NTF3: variants seen among roughly 807,000 people sequenced by gnomAD.
The protein encoded by NTF3 is neurotrophin 3.
NTF3 carries 8 observed loss-of-function variants against 26.3 expected under a neutral mutation model. The ratio of observed to expected loss-of-function variants is 0.30; its 90% CI spans 0.18 to 0.55. NTF3 has a LOEUF of 0.55. NTF3 is among the 20% of genes least tolerant of loss of function. The pLI, the probability that NTF3 is intolerant of heterozygous loss-of-function variation, is 0.93. For missense variants in NTF3, 276 were observed against 352.9 expected (o/e 0.78, Z 1.75); for synonymous variants, 154 against 145.5 (o/e 1.06, Z -0.42).
At chr12:5,450,430 T>C (rs1300291909) in intron 1 of NTF3, among the ~76,000 whole-genome samples, 4 of 152,230 alleles carry the variant, frequency 2.6e-5, no homozygotes, top group Non-Finnish European at 2.9e-5. Flanking sequence ...AAGAGAATTT[T>C]GCTCCTTGTT....
intron 1 of NTF3, among the ~76,000 whole-genome samples, chr12:5,484,224 T>C (rs1044123460): frequency 2.6e-5 from 4 of 152,190 alleles, no homozygotes; most frequent in Non-Finnish European, 5.9e-5. Flanking sequence ...GGCAAGTCAC[T>C]TCCCCCCATA....
At position 5,456,953 on chromosome 12, in the gene NTF3, G is replaced by A. The variant is rs535181122; in HGVS notation, c.18+24611G>A. 2.0e-4 allele frequency among the ~76,000 whole-genome samples: 30 copies of A among 152,228 alleles called. No individual in the cohort carries two copies. The highest frequency in any genetic ancestry group is 5.8e-4 in the African/African-American group (24 of 41,534). Reference sequence around the variant, plus strand: ...GAGGGAGGCAGGGGGCCCGCAGAACGGCCTCCCATCTCCACTGCCCGTCCC... The same window carrying A: ...GAGGGAGGCAGGGGGCCCGCAGAACAGCCTCCCATCTCCACTGCCCGTCCC... On this transcript the variant is annotated intron_variant, in intron 1 of 1. Coordinates refer to ENST00000423158, the MANE Select transcript of NTF3 (RefSeq NM_001102654.2). The surrounding 1 kb of genome is among the most constrained non-coding windows in gnomAD (Gnocchi z 4.4).
At chr12:5,440,883 A>G (rs1242569891) in intron 1 of NTF3, among the ~76,000 whole-genome samples, 1 of 152,214 alleles carries the variant, frequency 6.6e-6, no homozygotes, top group Non-Finnish European at 1.5e-5. Flanking sequence ...GAGGACTTAC[A>G]TAGAGTGATT....
At chr12:5,487,017 T>A (rs899011658) in intron 1 of NTF3, among the ~76,000 whole-genome samples, 2 of 152,260 alleles carry the variant, frequency 1.3e-5, no homozygotes, top group South Asian at 2.1e-4. Flanking sequence ...AACACCATGA[T>A]GGCTAGTAGC....
intron 1 of NTF3, among the ~76,000 whole-genome samples, chr12:5,441,562 A>G (rs1041801741): frequency 6.6e-6 from 1 of 152,172 alleles, no homozygotes; most frequent in African/African-American, 2.4e-5. Context: ...GATGCCACTT[A>G]GCAGCCTGTG....
At chr12:5,480,022 G>A (rs1219411248) in intron 1 of NTF3, among the ~76,000 whole-genome samples, 2 of 152,184 alleles carry the variant, frequency 1.3e-5, no homozygotes, top group East Asian at 3.8e-4. Flanking sequence ...CAAGGAAAAA[G>A]AACTATAAGT....
At chr12:5,480,111 C>A (rs1940769438) in intron 1 of NTF3, among the ~76,000 whole-genome samples, 1 of 152,192 alleles carries the variant, frequency 6.6e-6, no homozygotes, top group South Asian at 2.1e-4. Flanking sequence ...TTGAACGCCA[C>A]CTTTTTCCTC....
At chr12:5,453,870 G>C (rs868308855) in intron 1 of NTF3, among the ~76,000 whole-genome samples, 140 of 152,336 alleles carry the variant, frequency 9.2e-4, no homozygotes, top group African/African-American at 3.2e-3. Context: ...GAGTTTCCCA[G>C]ACACATTCCA....
chr12:5,452,476 T>G (rs1940387821), intron 1 of NTF3, among the ~76,000 whole-genome samples: 1 of 152,236 alleles, frequency 6.6e-6, no homozygotes, highest in Non-Finnish European at 1.5e-5. Flanking sequence ...TTAACCATTT[T>G]GCTTCTGGGG....
chr12:5,488,399 G>A (rs981049708), intron 1 of NTF3, among the ~76,000 whole-genome samples: 2 of 152,020 alleles, frequency 1.3e-5, no homozygotes, highest in Non-Finnish European at 2.9e-5. Flanking sequence ...TCCTGCTTCC[G>A]GATCATTAAT....
Position 5,445,274 on chromosome 12 carries a change from C to A in NTF3, c.18+12932C>A, listed in dbSNP as rs537135381. Among the ~76,000 whole-genome samples, 357 of 36,982 alleles carry A rather than the reference C, an allele frequency of 9.7e-3. 5 individuals carry two copies. Among genetic ancestry groups the A allele is most frequent in the Admixed American group, 0.066 (214 of 3,262 alleles). 24.3% of individuals were successfully genotyped at this position (36,982 alleles called of 152,430 possible). On this transcript the variant is annotated intron_variant, in intron 1 of 1. Coordinates refer to ENST00000423158, the MANE Select transcript of NTF3 (RefSeq NM_001102654.2). ...ACGTCAGATCCACCCATAGATGATT[C>A]CTTGGATTAAATGATGTGTGTGTGT...
intron 1 of NTF3, among the ~76,000 whole-genome samples, chr12:5,448,717 C>T (rs1449700344): frequency 6.6e-6 from 1 of 152,160 alleles, no homozygotes; most frequent in African/African-American, 2.4e-5. Context: ...GAAGCTATCG[C>T]ATTGTTCTTG....
In NTF3 at chr12:5,494,464, C is replaced by T. The variant is rs1940980513; in HGVS notation, c.289C>T (p.Pro97Ser). The T allele has an allele frequency of 1.9e-6, 3 of 1,613,582 alleles. No individual in the cohort carries two copies. The highest frequency in any genetic ancestry group is 2.5e-6 in the Non-Finnish European group (3 of 1,180,022). Reference sequence around the variant, plus strand: ...AGGGCCCGCCAAGTCAGCATTCCAGCCGGTGATTGCAATGGACACCGAACT... The same window carrying T: ...AGGGCCCGCCAAGTCAGCATTCCAGTCGGTGATTGCAATGGACACCGAACT... ...RGGPAKSAFQ[P>S]VIAMDTELLR... Residue 97 changes from proline to serine, a missense_variant, in exon 2 of 2, where the codon CCG becomes TCG. Coordinates refer to ENST00000423158, the MANE Select transcript of NTF3 (RefSeq NM_001102654.2). This position sits in a 1 kb window ranked among gnomAD's most constrained non-coding sequence, Gnocchi z 8.3.
chr12:5,480,978 G>T (rs1028029488), intron 1 of NTF3, among the ~76,000 whole-genome samples: 2 of 152,232 alleles, frequency 1.3e-5, no homozygotes, highest in Non-Finnish European at 2.9e-5. Context: ...AGTTCATGGG[G>T]ACCCAGGAAG....
rs950672520 is a variant in NTF3 at position 5,432,845 on chromosome 12, G to C, written c.18+503G>C. Among the ~76,000 whole-genome samples the C allele has an allele frequency of 2.0e-5, 3 of 151,908 alleles. No homozygotes were observed. The South Asian group carries it at 6.3e-4, about 32-fold the overall frequency. Reference sequence around the variant, plus strand: ...GCTCCTAGCGCATCCTATAACAAAAGGGGGTGGCAGACAGAACTCCGGGCG... The same window carrying C: ...GCTCCTAGCGCATCCTATAACAAAACGGGGTGGCAGACAGAACTCCGGGCG... On this transcript the variant is annotated intron_variant, in intron 1 of 1. Coordinates refer to ENST00000423158, the MANE Select transcript of NTF3 (RefSeq NM_001102654.2).
At chr12:5,434,821 G>A (rs1427017564) in intron 1 of NTF3, among the ~76,000 whole-genome samples, 1 of 152,008 alleles carries the variant, frequency 6.6e-6, no homozygotes, top group Admixed American at 6.6e-5. Flanking sequence ...GATTACCAAA[G>A]GGATGTGTGT....
intron 1 of NTF3, among the ~76,000 whole-genome samples, chr12:5,476,653 T>C (rs1011733921): frequency 3.9e-5 from 6 of 152,172 alleles, no homozygotes; most frequent in African/African-American, 1.4e-4. Flanking sequence ...GCTCTGCACA[T>C]GGAGATACTT....
At chr12:5,441,277 G>A (rs1051053577) in intron 1 of NTF3, among the ~76,000 whole-genome samples, 2 of 152,154 alleles carry the variant, frequency 1.3e-5, no homozygotes, top group Non-Finnish European at 2.9e-5. Context: ...AGAATTGGGA[G>A]CTAGTAGAAA....
intron 1 of NTF3, among the ~76,000 whole-genome samples, chr12:5,437,648 C>T (rs760703192): frequency 1.3e-5 from 2 of 152,192 alleles, no homozygotes; most frequent in African/African-American, 2.4e-5. Flanking sequence ...GCCTCACCCG[C>T]GGCTGTTTTA....
Sources: gnomAD v4.1 joint callset for allele counts (sites outside exome capture counted in the v4.1 genomes callset) on GRCh38, gnomAD v4.1.1 for gene constraint, Gnocchi (gnomAD v3.1) non-coding constraint, MANE v1.5 for transcripts, NCBI Gene and HGNC (gene_info 2026-07-23, HGNC 2026-07-21) for gene names.